Variants in AMZ1 observed in about 807,000 individuals in gnomAD.
AMZ1 encodes archaemetzincin-1.
Under a neutral mutation model 29.9 loss-of-function variants are expected in AMZ1, and 39 were observed. The ratio of observed to expected loss-of-function variants is 1.30; its 90% CI spans 1.01 to 1.70. AMZ1 has a LOEUF of 1.70. Ranked by LOEUF, AMZ1 falls within the 40% of genes most tolerant of loss-of-function variation. AMZ1 has a pLI of 0.00. For synonymous variants in AMZ1, 458 were observed against 304.0 expected, an observed-to-expected ratio of 1.51 and a Z score of -5.27; for missense variants, 1,041 against 680.6, an observed-to-expected ratio of 1.53 and a Z score of -5.89.
chr7:2,722,148 G>A (rs1282924890), downstream of AMZ1, among the ~76,000 whole-genome samples: 2 of 152,234 alleles, frequency 1.3e-5, no homozygotes, highest in Non-Finnish European at 2.9e-5. Flanking sequence ...CCTGAGCACA[G>A]GAAAGGGAGT....
intron 4 of AMZ1, among the ~76,000 whole-genome samples, chr7:2,737,963 T>C (rs1266493008): frequency 6.6e-6 from 1 of 152,164 alleles, no homozygotes; most frequent in Non-Finnish European, 1.5e-5. Flanking sequence ...AGTGAACGCC[T>C]GTGACATCTC....
intron 4 of AMZ1, among the ~76,000 whole-genome samples, chr7:2,735,440 G>A (rs1790119503): frequency 6.7e-6 from 1 of 149,160 alleles, no homozygotes; most frequent in Non-Finnish European, 1.5e-5. Flanking sequence ...ATCACCACAG[G>A]ACACAAAGCC....
At chr7:2,763,159 C>T (rs937855284), upstream of AMZ1, 1 of 1,168,340 alleles carries the variant, frequency 8.6e-7, no homozygotes, top group African/African-American at 1.6e-5. Context: ...ATTCTGCTGA[C>T]AAGAGGTTAG....
chr7:2,706,973 T>C (rs1360801932), intron 3 of AMZ1, among the ~76,000 whole-genome samples: 2 of 151,970 alleles, frequency 1.3e-5, no homozygotes, highest in African/African-American at 4.8e-5. Flanking sequence ...AATGGGATGT[T>C]ATCTCAAAAA....
upstream of AMZ1, among the ~76,000 whole-genome samples, chr7:2,684,342 C>T (rs77730300): frequency 0.014 from 2,205 of 152,290 alleles, 62 homozygotes; most frequent in African/African-American, 0.05. Context: ...TGCAACGACT[C>T]GGTTTCCAAA....
intron 4 of AMZ1, chr7:2,730,858 CAATT>C (rs151244040): frequency 0.44 from 135,732 of 311,262 alleles, 31,202 homozygotes; most frequent in African/African-American, 0.6. Flanking sequence ...ACACGGTCCT[CAATT>C]AAACTGCGTC....
At chr7:2,749,509 T>C (rs1247052198) in intron 4 of AMZ1, among the ~76,000 whole-genome samples, 3 of 110,740 alleles carry the variant, frequency 2.7e-5, no homozygotes, top group East Asian at 3.0e-4. Flanking sequence ...CGGGGACTAT[T>C]GTGGGGTAGG....
At chr7:2,690,988 A>T (rs987786906) in intron 1 of AMZ1, among the ~76,000 whole-genome samples, 1 of 151,966 alleles carries the variant, frequency 6.6e-6, no homozygotes, top group Non-Finnish European at 1.5e-5. Context: ...TAAAGATAAC[A>T]AAATTAGCCT....
intron 5 of AMZ1, among the ~76,000 whole-genome samples, 174 bp from the exon 6 acceptor site, chr7:2,709,466 C>T (rs1788606692): frequency 6.7e-6 from 1 of 149,612 alleles, no homozygotes; most frequent in African/African-American, 2.4e-5. Context: ...CACCTTTCCC[C>T]TGGGGCCCTG....
At chr7:2,732,566 A>G (rs1199208177) in intron 4 of AMZ1, among the ~76,000 whole-genome samples, 1 of 152,150 alleles carries the variant, frequency 6.6e-6, no homozygotes, top group Non-Finnish European at 1.5e-5. Flanking sequence ...AAAACAAAAC[A>G]GAACAAAAAA....
chr7:2,703,774 T>A lies in AMZ1; in HGVS notation c.472+885T>A, dbSNP rs950008752. ...CTTCTCTCCTATGACTCCAACTGAA[T>A]GTATATTAATCCATCTTACTCTCTT... On this transcript the variant is annotated intron_variant, in intron 3 of 6. Transcript: ENST00000683327. 4.8e-4 allele frequency among the ~76,000 whole-genome samples: 73 copies of A among 152,260 alleles called. 1 individual carries two copies. Among genetic ancestry groups the A allele is most frequent in the Middle Eastern group, 3.2e-3 (1 of 316 alleles).
At chr7:2,748,741 A>T (rs1382812463) in intron 4 of AMZ1, among the ~76,000 whole-genome samples, 11 of 152,242 alleles carry the variant, frequency 7.2e-5, no homozygotes, top group African/African-American at 2.2e-4. Flanking sequence ...GAATGGGAGA[A>T]AATTTTTGCA....
At chr7:2,737,699 A>C (rs934754646) in intron 4 of AMZ1, among the ~76,000 whole-genome samples, 4 of 152,194 alleles carry the variant, frequency 2.6e-5, no homozygotes, top group African/African-American at 9.7e-5. Context: ...AGGATTCCAA[A>C]ATCTAGTTCA....
chr7:2,704,200 A>C (rs1788218828), intron 3 of AMZ1, among the ~76,000 whole-genome samples: 1 of 152,036 alleles, frequency 6.6e-6, no homozygotes, highest in South Asian at 2.1e-4. Context: ...CATCTAAGGT[A>C]CTCTTAAACC....
At position 2,717,008 on chromosome 7, in the gene AMZ1, G is replaced by A. The variant is rs1789163174; in HGVS notation, c.*4130G>A. Among the ~76,000 whole-genome samples, 1 of 152,334 alleles carries A rather than the reference G, an allele frequency of 6.6e-6. No individual in the cohort carries two copies. The highest frequency in any genetic ancestry group is 2.4e-5 in the African/African-American group (1 of 41,582). On this transcript the variant is annotated 3_prime_UTR_variant, in exon 7 of 7. Transcript: ENST00000683327. ...AGCTGGAGCGGTCTGAGCAGGAAGAGAGTAAGAAGGCGCACGGACGCGGGA... is the reference window on the plus strand; with the variant it reads ...AGCTGGAGCGGTCTGAGCAGGAAGAAAGTAAGAAGGCGCACGGACGCGGGA...
rs1791408337 is a variant in AMZ1 at position 2,758,541 on chromosome 7, T to C, written n.551-6171T>C. Among the ~76,000 whole-genome samples the C allele has an allele frequency of 2.6e-5, 4 of 152,176 alleles. No individual in the cohort carries two copies. In the South Asian group the frequency reaches 8.3e-4, roughly 32 times the overall value. ...GTGTGATGGAACGTATCTCCTGTGATTGGGCGACTTTCAGCTAAGCCAAAG... is the reference window on the plus strand; with the variant it reads ...GTGTGATGGAACGTATCTCCTGTGACTGGGCGACTTTCAGCTAAGCCAAAG... On this transcript the variant is annotated intron_variant and non_coding_transcript_variant, in intron 4 of 4. Coordinates refer to the AMZ1 transcript ENST00000489665.
chr7:2,693,934 C>T (rs1787555948), intron 1 of AMZ1, among the ~76,000 whole-genome samples: 1 of 152,230 alleles, frequency 6.6e-6, no homozygotes, highest in African/African-American at 2.4e-5. Context: ...TGCCACCTGC[C>T]TTCCTGCTGG....
At chr7:2,697,526 T>A (rs1166868815) in intron 1 of AMZ1, among the ~76,000 whole-genome samples, 1 of 151,912 alleles carries the variant, frequency 6.6e-6, no homozygotes, top group East Asian at 1.9e-4. Context: ...TGGGCTCAGG[T>A]GATCCTTCCA....
At chr7:2,735,579 C>A (rs1190649866) in intron 4 of AMZ1, among the ~76,000 whole-genome samples, 1 of 152,188 alleles carries the variant, frequency 6.6e-6, no homozygotes, top group Non-Finnish European at 1.5e-5. Flanking sequence ...AGTCTAAACA[C>A]CCCTCGAGTC....
Sources: allele counts gnomAD v4.1 joint callset (sites outside exome capture counted in the v4.1 genomes callset), GRCh38; gene constraint gnomAD v4.1.1; transcripts MANE v1.5; gene names NCBI Gene and HGNC (gene_info 2026-07-23, HGNC 2026-07-21).